The following ZNF407 variants were observed in gnomAD, a reference collection of about 807,000 sequenced individuals.
ZNF407 encodes zinc finger protein 407.
A neutral mutation model predicts 131.2 loss-of-function variants in ZNF407; 17 were observed. The ratio of observed to expected loss-of-function variants is 0.13; its 90% CI spans 0.09 to 0.19. ZNF407 has a LOEUF of 0.19. ZNF407 is among the 10% of genes least tolerant of loss of function. The pLI is 1.00. For missense variants in ZNF407, 2,681 were observed against 2,830.6 expected (o/e 0.95, Z 1.20); for synonymous variants, 1,156 against 1,062.0 (o/e 1.09, Z -1.72).
At chr18:75,003,646 G>A (rs545005887) in intron 8 of ZNF407, among the ~76,000 whole-genome samples, 59 of 152,232 alleles carry the variant, frequency 3.9e-4, no homozygotes, top group African/African-American at 1.4e-3. Context: ...CAAGATCAAC[G>A]AATGTAAGCA....
chr18:74,654,401 C>T (rs1985359103), intron 3 of ZNF407, among the ~76,000 whole-genome samples: 1 of 151,760 alleles, frequency 6.6e-6, no homozygotes, highest in South Asian at 2.1e-4. Flanking sequence ...TCTTTGATTT[C>T]ATTTCTATGA....
At chr18:74,765,743 A>C (rs1394665410) in intron 3 of ZNF407, among the ~76,000 whole-genome samples, 2 of 152,202 alleles carry the variant, frequency 1.3e-5, no homozygotes, top group African/African-American at 4.8e-5. Flanking sequence ...TGCCCTGTGC[A>C]TTCCAGCTGC....
At chr18:74,799,051 A>T (rs1377900466) in intron 4 of ZNF407, among the ~76,000 whole-genome samples, 2 of 152,146 alleles carry the variant, frequency 1.3e-5, no homozygotes, top group Non-Finnish European at 2.9e-5. Flanking sequence ...AGGCTATTTC[A>T]GTCTATAAAA....
At chr18:74,916,716 TATGTGTGTGTGTGC>T (rs1222884340) in intron 7 of ZNF407, among the ~76,000 whole-genome samples, 1 of 142,896 alleles carries the variant, frequency 7.0e-6, no homozygotes, top group Non-Finnish European at 1.5e-5. Context: ...TGTGTGTGTG[TATGTGTGTGTGTGC>T]ATGTGTGTGC....
intron 8 of ZNF407, chr18:75,062,915 G>A (rs1289955142): frequency 2.3e-6 from 1 of 430,664 alleles, no homozygotes; most frequent in Non-Finnish European, 4.1e-6. Context: ...ACAGGGCTGT[G>A]GGGAAATGCA....
chr18:74,941,177 A>G (rs1410059441), intron 8 of ZNF407, among the ~76,000 whole-genome samples: 19 of 152,162 alleles, frequency 1.2e-4, no homozygotes, highest in Non-Finnish European at 4.4e-5. Flanking sequence ...CACAAAACTG[A>G]CATCCAGTGG....
chr18:75,012,687 TC>T (rs200021872), intron 8 of ZNF407, among the ~76,000 whole-genome samples: 2 of 151,466 alleles, frequency 1.3e-5, no homozygotes, highest in African/African-American at 4.8e-5. Context: ...TGTGGAACTT[TC>T]TTTTTTTCCC....
At chr18:74,973,476 C>T (rs910078852) in intron 8 of ZNF407, among the ~76,000 whole-genome samples, 6 of 152,062 alleles carry the variant, frequency 3.9e-5, no homozygotes, top group East Asian at 1.9e-4. Context: ...TAGGCCAACA[C>T]GCGTTTCCAG....
At chr18:74,857,045 T>A (rs1970868939) in intron 4 of ZNF407, among the ~76,000 whole-genome samples, 1 of 152,222 alleles carries the variant, frequency 6.6e-6, no homozygotes, top group African/African-American at 2.4e-5. Context: ...TCATTATTTT[T>A]AAATGATTTA....
At chr18:74,790,511 C>T (rs1161613769) in intron 4 of ZNF407, among the ~76,000 whole-genome samples, 2 of 152,108 alleles carry the variant, frequency 1.3e-5, no homozygotes, top group Non-Finnish European at 2.9e-5. Context: ...AGGTGTTTTT[C>T]TTCAGCTGGC....
At chr18:75,056,064 A>G (rs1973558671) in intron 8 of ZNF407, among the ~76,000 whole-genome samples, 1 of 152,196 alleles carries the variant, frequency 6.6e-6, no homozygotes, top group East Asian at 1.9e-4. Context: ...ATATTTTTAT[A>G]TGTTTATATG....
At chr18:74,684,518 T>C (rs1967054312) in intron 3 of ZNF407, among the ~76,000 whole-genome samples, 1 of 152,206 alleles carries the variant, frequency 6.6e-6, no homozygotes, top group Non-Finnish European at 1.5e-5. Flanking sequence ...CGAGTCACGT[T>C]CAGTTATAAG....
intron 3 of ZNF407, among the ~76,000 whole-genome samples, chr18:74,649,824 G>T: frequency 6.6e-6 from 1 of 152,162 alleles, no homozygotes; most frequent in East Asian, 1.9e-4. Flanking sequence ...ATGGACACAG[G>T]TTTAAGCAGC....
At chr18:75,001,283 ATAT>A (rs1972842629) in intron 8 of ZNF407, among the ~76,000 whole-genome samples, 1 of 152,242 alleles carries the variant, frequency 6.6e-6, no homozygotes, top group South Asian at 2.1e-4. Flanking sequence ...GGGACAAATA[ATAT>A]TATAAATAGA....
chr18:75,013,025 T>C (rs1257023304), intron 8 of ZNF407, among the ~76,000 whole-genome samples: 1 of 151,908 alleles, frequency 6.6e-6, no homozygotes, highest in Non-Finnish European at 1.5e-5. Flanking sequence ...AACACCTAAT[T>C]GTATCATGAA....
At chr18:74,702,951 C>T (rs1350389) in intron 3 of ZNF407, among the ~76,000 whole-genome samples, 104,894 of 152,098 alleles carry the variant, frequency 0.69, 37,110 homozygotes, top group East Asian at 0.85. Context: ...GACCTGGAGC[C>T]GATGAACATG....
At chr18:74,909,322 G>A (rs1971638127) in intron 7 of ZNF407, among the ~76,000 whole-genome samples, 2 of 151,958 alleles carry the variant, frequency 1.3e-5, no homozygotes, top group Non-Finnish European at 2.9e-5. Flanking sequence ...ATAAAAACTA[G>A]TGGTAGGAAG....
intron 4 of ZNF407, among the ~76,000 whole-genome samples, chr18:74,807,957 G>A (rs1365729778): frequency 6.6e-6 from 1 of 151,780 alleles, no homozygotes; most frequent in African/African-American, 2.4e-5. Flanking sequence ...GGGCTCAAGC[G>A]ATCCCCCACC....
intron 7 of ZNF407, among the ~76,000 whole-genome samples, chr18:74,902,946 A>T (rs991463332): frequency 6.6e-6 from 1 of 152,176 alleles, no homozygotes; most frequent in African/African-American, 2.4e-5. Flanking sequence ...ATCACCCACC[A>T]GTGCCTGCAG....
Sources: allele counts gnomAD v4.1 joint callset (sites outside exome capture counted in the v4.1 genomes callset), GRCh38; gene constraint gnomAD v4.1.1; transcripts MANE v1.5; gene names NCBI Gene and HGNC (gene_info 2026-07-23, HGNC 2026-07-21).